The following PLB1 variants were observed in gnomAD, a reference collection of about 807,000 sequenced individuals.
PLB1 encodes phospholipase B1, membrane-associated.
Under a neutral mutation model 227.4 loss-of-function variants are expected in PLB1, and 242 were observed. That is an observed-to-expected ratio of 1.06 (90% CI 0.96 to 1.18). The LOEUF is 1.18. Ranked by LOEUF, PLB1 falls within the 50% of genes most tolerant of loss-of-function variation. PLB1 has a pLI of 0.00. For missense variants in PLB1, 1,858 were observed against 1,816.3 expected (o/e 1.02, Z -0.42); for synonymous variants, 757 against 682.2 (o/e 1.11, Z -1.71).
chr2:28,543,609 C>T (rs907706269), intron 14 of PLB1, among the ~76,000 whole-genome samples: 5 of 152,184 alleles, frequency 3.3e-5, no homozygotes, highest in Non-Finnish European at 4.4e-5. Context: ...CATTCCTGTC[C>T]AGCCTGCCCT....
chr2:28,562,296 C>A (rs1255172800), intron 17 of PLB1, among the ~76,000 whole-genome samples: 2 of 152,014 alleles, frequency 1.3e-5, no homozygotes, highest in African/African-American at 4.8e-5. Context: ...GTAATCCCAG[C>A]ACTTTGGGAG....
intron 49 of PLB1, 108 bp downstream of exon 49, chr2:28,621,086 T>C: frequency 1.2e-6 from 1 of 863,682 alleles, no homozygotes; most frequent in Non-Finnish European, 1.8e-6. Context: ...CCAGGGGCAA[T>C]AGCAGCTGTG....
At chr2:28,632,188 C>T in intron 55 of PLB1, 48 bp downstream of exon 55, 1 of 1,431,650 alleles carries the variant, frequency 7.0e-7, no homozygotes. Flanking sequence ...GGCCTTATCA[C>T]AGACGATGGA....
At chr2:28,538,456 G>A in intron 10 of PLB1, 75 bp downstream of exon 10, 1 of 1,377,468 alleles carries the variant, frequency 7.3e-7, no homozygotes, top group South Asian at 1.2e-5. Flanking sequence ...ACCGGGGTGG[G>A]GAAATGGACC....
At chr2:28,576,205 G>A (rs1477521450) in intron 21 of PLB1, among the ~76,000 whole-genome samples, 1 of 152,128 alleles carries the variant, frequency 6.6e-6, no homozygotes, top group Non-Finnish European at 1.5e-5. Context: ...TATTACAATC[G>A]AAGAAACTAT....
intron 17 of PLB1, among the ~76,000 whole-genome samples, chr2:28,554,291 ATAGATGTGTGTATATATATG>A (rs2148226278): frequency 7.0e-6 from 1 of 142,354 alleles, no homozygotes; most frequent in Admixed American, 7.4e-5. Context: ...GTTTATATAG[ATAGATGTGTGTATATATATG>A]TCTATATAGA....
rs1212344473 is a variant in PLB1 at position 28,539,106 on chromosome 2, G to C, written c.626G>C (p.Arg209Thr). Reference sequence around the variant, plus strand: ...CTCTGTGTGTCCTCCTAGGTCCCCAGAGCATTTGTAAACCTGGTGGACCTC... The same window carrying C: ...CTCTGTGTGTCCTCCTAGGTCCCCACAGCATTTGTAAACCTGGTGGACCTC... Reference protein sequence around the residue: ...VLDYLQQEVPRAFVNLVDLSE... With the variant: ...VLDYLQQEVPTAFVNLVDLSE... Residue 209 changes from arginine (R) to threonine (T), a missense_variant, in exon 11 of 58, where the codon AGA (arginine) becomes ACA (threonine). Physicochemically the swap from Arg to Thr is moderately conservative, Grantham distance 71. Transcript: ENST00000327757. 1.9e-6 allele frequency: 3 copies of C among 1,613,362 alleles called. No homozygotes were observed. Among genetic ancestry groups the C allele is most frequent in the Non-Finnish European group, 2.5e-6 (3 of 1,179,358 alleles).
chr2:28,602,048 C>A, intron 38 of PLB1, 84 bp downstream of exon 38: 3 of 1,303,014 alleles, frequency 2.3e-6, no homozygotes, highest in Non-Finnish European at 3.3e-6. Flanking sequence ...GAGAGAAGAA[C>A]CCCTTTCTCT....
intron 20 of PLB1, 95 bp downstream of exon 20, chr2:28,566,934 C>G: frequency 9.0e-6 from 13 of 1,441,430 alleles, no homozygotes; most frequent in Non-Finnish European, 1.3e-5. Context: ...GGGAGGAGCC[C>G]CGGCTGCAGG....
At chr2:28,566,884 C>G (rs1192096681) in intron 20 of PLB1, 45 bp downstream of exon 20, 1 of 1,608,604 alleles carries the variant, frequency 6.2e-7, no homozygotes, top group African/African-American at 1.3e-5. Context: ...GGGGCGGCCC[C>G]TGCACGCTTC....
In PLB1 at chr2:28,593,667, G is replaced by A; in HGVS notation, c.2248-14G>A. 1 of 1,613,064 alleles carries A rather than the reference G, an allele frequency of 6.2e-7. No individual in the cohort carries two copies. Among genetic ancestry groups the A allele is most frequent in the Non-Finnish European group, 8.5e-7 (1 of 1,179,126 alleles). ...CTTGCTAATTTTCCTATGGACTCTG[G>A]TATATTTTCAAAGGCTGGCAATGGA... On this transcript the variant is annotated splice_polypyrimidine_tract_variant and intron_variant, in intron 32 of 57. Transcript: ENST00000327757.
intron 38 of PLB1, 141 bp downstream of exon 38, chr2:28,602,105 G>T (rs1244033266): frequency 7.3e-6 from 6 of 818,008 alleles, no homozygotes; most frequent in Non-Finnish European, 1.2e-5. Context: ...TCAGAGGTTG[G>T]GGTCTAACCC....
At position 28,562,915 on chromosome 2, in the gene PLB1, G is replaced by A. The variant is rs553134532; in HGVS notation, c.1148-126G>A. The A allele has an allele frequency of 1.9e-4, 158 of 847,206 alleles. 1 individual carries two copies. The South Asian group carries it at 2.2e-3, about 12-fold the overall frequency. The allele number at this position is 847,206 out of a possible 1,614,324, so 52.5% of individuals were successfully genotyped here. A position where few individuals can be genotyped will look rare whatever the true frequency, so the allele number is the denominator to read the frequency against. On this transcript the variant is annotated intron_variant, in intron 17 of 57. Coordinates refer to ENST00000327757, the MANE Select transcript of PLB1 (RefSeq NM_153021.5). ...GGGTTTTTCCTATCTTTTATCCAAG[G>A]TGTCTTGGTGGTAAAAACTGACTTT...
At chr2:28,575,924 G>T (rs1010649175) in intron 21 of PLB1, among the ~76,000 whole-genome samples, 2 of 152,110 alleles carry the variant, frequency 1.3e-5, no homozygotes, top group African/African-American at 4.8e-5. Flanking sequence ...AAGGCTGCAG[G>T]TTTACTGCTT....
chr2:28,563,219 G>T (rs1676332935), intron 18 of PLB1, 120 bp downstream of exon 18: 1 of 979,740 alleles, frequency 1.0e-6, no homozygotes, highest in Middle Eastern at 3.0e-4. Context: ...ACCATCTCGG[G>T]TCCTGATCTC....
At chr2:28,533,866 G>A (rs140354525) in intron 9 of PLB1, among the ~76,000 whole-genome samples, 128 of 152,224 alleles carry the variant, frequency 8.4e-4, no homozygotes, top group African/African-American at 3.0e-3. Flanking sequence ...TTGTGCACAT[G>A]TATTCAACTA....
intron 26 of PLB1, among the ~76,000 whole-genome samples, chr2:28,586,227 A>G (rs1370199919): frequency 6.6e-6 from 1 of 152,204 alleles, no homozygotes; most frequent in African/African-American, 2.4e-5. Flanking sequence ...CTGAACTTCC[A>G]GCTCCTGGGT....
intron 3 of PLB1, among the ~76,000 whole-genome samples, 165 bp downstream of exon 3, chr2:28,518,697 T>C (rs1442796325): frequency 6.6e-6 from 1 of 152,194 alleles, no homozygotes; most frequent in Non-Finnish European, 1.5e-5. Context: ...TCATCTGTCA[T>C]ATTTCCACAG....
chr2:28,639,658 C>T (rs954512502), intron 56 of PLB1, among the ~76,000 whole-genome samples: 13 of 152,248 alleles, frequency 8.5e-5, no homozygotes, highest in East Asian at 3.8e-4. Flanking sequence ...TCACGATCAT[C>T]TTCTGTGTGA....
Sources: gnomAD v4.1 joint callset for allele counts (sites outside exome capture counted in the v4.1 genomes callset) on GRCh38, gnomAD v4.1.1 for gene constraint, MANE v1.5 for transcripts, NCBI Gene and HGNC (gene_info 2026-07-23, HGNC 2026-07-21) for gene names.